TNKS: variants seen among roughly 807,000 people sequenced by gnomAD.
The protein encoded by TNKS is poly [ADP-ribose] polymerase tankyrase-1.
Under a neutral mutation model 135.8 loss-of-function variants are expected in TNKS, and 72 were observed. The observed-to-expected ratio is 0.53, with a 90% CI of 0.44 to 0.64. The LOEUF (loss-of-function observed/expected upper bound fraction) is 0.64, where lower values mean the gene tolerates loss of function less well. Ranked by LOEUF, TNKS falls within the 30% of genes least tolerant of loss-of-function variation. TNKS has a pLI of 0.00. For synonymous variants in TNKS, 849 were observed against 649.3 expected, an observed-to-expected ratio of 1.31 and a Z score of -4.68; for missense variants, 1,769 against 1,674.0, an observed-to-expected ratio of 1.06 and a Z score of -0.99.
At chr8:9,752,767 C>A in intron 20 of TNKS, 141 bp downstream of exon 20, 3 of 514,582 alleles carry the variant, frequency 5.8e-6, no homozygotes, top group Non-Finnish European at 6.6e-6. Flanking sequence ...CCAGCCTGGG[C>A]AACAAAGCGA....
intron 1 of TNKS, among the ~76,000 whole-genome samples, chr8:9,573,540 G>A (rs755455459): frequency 3.4e-4 from 52 of 152,126 alleles, no homozygotes; most frequent in Non-Finnish European, 7.5e-4. Context: ...ATGTAAGGAG[G>A]CAACTTCAGG....
intron 3 of TNKS, among the ~76,000 whole-genome samples, chr8:9,644,897 C>T (rs1800860212): frequency 6.6e-6 from 1 of 152,058 alleles, no homozygotes; most frequent in Admixed American, 6.6e-5. Flanking sequence ...AGATCTTCAG[C>T]AGTTTATTAT....
At chr8:9,719,875 T>A (rs770474091) in intron 11 of TNKS, among the ~76,000 whole-genome samples, 1 of 152,242 alleles carries the variant, frequency 6.6e-6, no homozygotes, top group Non-Finnish European at 1.5e-5. Context: ...TGCTTAAATA[T>A]GCTTGTAATT....
At chr8:9,622,083 T>A (rs1799887758) in intron 3 of TNKS, among the ~76,000 whole-genome samples, 1 of 152,206 alleles carries the variant, frequency 6.6e-6, no homozygotes, top group Non-Finnish European at 1.5e-5. Context: ...TTTAAAGTTT[T>A]ATATTAAACG....
At chr8:9,701,319 A>C (rs1236339064) in intron 5 of TNKS, among the ~76,000 whole-genome samples, 1 of 152,232 alleles carries the variant, frequency 6.6e-6, no homozygotes, top group Non-Finnish European at 1.5e-5. Context: ...AAGAAATAAA[A>C]GTTACTGAAT....
In TNKS at chr8:9,556,259, C is replaced by G. The variant is rs771355040; in HGVS notation, c.320C>G (p.Ala107Gly). 7 of 1,614,254 alleles carry G rather than the reference C, an allele frequency of 4.3e-6. No individual in the cohort carries two copies. The highest frequency in any genetic ancestry group is 1.3e-5 in the African/African-American group (1 of 75,078). Residue 107 changes from alanine to glycine, a missense_variant, in exon 1 of 27, where the codon GCG (alanine) becomes GGG (glycine). Transcript: ENST00000310430. ...GTCGCCGCCGCTCCCGTGGTCCCAG[C>G]GGTTTCTACTTCATCTGCCGCTGGG... is the stretch of plus-strand genomic sequence containing the variant. ...CTVAAAPVVP[A>G]VSTSSAAGVA...
At chr8:9,624,524 C>T (rs1563125254) in intron 3 of TNKS, among the ~76,000 whole-genome samples, 1 of 152,194 alleles carries the variant, frequency 6.6e-6, no homozygotes, top group Admixed American at 6.5e-5. Context: ...TAACACCTTG[C>T]AGAACTGTAG....
At chr8:9,691,584 T>A (rs1246838686) in intron 5 of TNKS, among the ~76,000 whole-genome samples, 1 of 152,200 alleles carries the variant, frequency 6.6e-6, no homozygotes, top group East Asian at 1.9e-4. Flanking sequence ...GACTCCTGAC[T>A]CTGCTTTTAA....
intron 3 of TNKS, chr8:9,658,386 A>T (rs1487507747): frequency 2.3e-6 from 3 of 1,312,852 alleles, no homozygotes; most frequent in Non-Finnish European, 3.0e-6. Context: ...AGACTGAGAC[A>T]GCTCCGCTGC....
chr8:9,661,210 C>T lies in TNKS; in HGVS notation c.995-18741C>T, dbSNP rs555168339. The stretch of plus-strand genomic sequence containing the variant: ...TCCCCATCAAGCTACCAATGACTTT[C>T]TTCACAGAATTGGAAACAACTACTT... On this transcript the variant is annotated intron_variant, in intron 3 of 26. Coordinates refer to ENST00000310430, the MANE Select transcript of TNKS (RefSeq NM_003747.3). 1.8e-3 allele frequency among the ~76,000 whole-genome samples: 275 copies of T among 152,150 alleles called. 2 individuals carry two copies. Among genetic ancestry groups the T allele is most frequent in the Non-Finnish European group, 3.3e-3 (226 of 67,998 alleles).
Position 9,751,839 on chromosome 8 carries a change from A to C in TNKS, c.3063A>C (p.Glu1021Asp). 1 of 1,614,156 alleles carries C rather than the reference A, an allele frequency of 6.2e-7. No homozygotes were observed. Among genetic ancestry groups the C allele is most frequent in the Non-Finnish European group, 8.5e-7 (1 of 1,179,982 alleles). ...GCGCCGCGGGAACAGAAAGGAAGGA[A>C]GGAGAAGGTGAGTAGACCCCATGAA... ...GDGAAGTERK[E>D]GEVAGLDMNI... The change falls in exon 19 of 27, where the codon GAA becomes GAC. Residue 1021 changes from glutamate to aspartate, a missense_variant. Physicochemically the swap from Glu to Asp is conservative, Grantham distance 45 (BLOSUM62 2). Transcript: ENST00000310430.
intron 2 of TNKS, among the ~76,000 whole-genome samples, chr8:9,613,398 T>C (rs2128764502): frequency 6.6e-6 from 1 of 152,336 alleles, no homozygotes; most frequent in East Asian, 1.9e-4. Context: ...TCTTGTAATC[T>C]TGTATGAAAG....
At chr8:9,591,053 C>T (rs1798572646) in intron 2 of TNKS, among the ~76,000 whole-genome samples, 1 of 152,192 alleles carries the variant, frequency 6.6e-6, no homozygotes, top group South Asian at 2.1e-4. Context: ...AGGTCTGATG[C>T]ATTTGGAATT....
intron 1 of TNKS, among the ~76,000 whole-genome samples, chr8:9,572,643 G>A (rs1003050629): frequency 3.3e-5 from 5 of 152,178 alleles, no homozygotes; most frequent in Non-Finnish European, 7.3e-5. Context: ...ACCTGTACGA[G>A]AAAGCGAGTA....
chr8:9,569,078 A>G (rs1326381917), intron 1 of TNKS, among the ~76,000 whole-genome samples: 1 of 151,498 alleles, frequency 6.6e-6, no homozygotes, highest in African/African-American at 2.5e-5. Flanking sequence ...TCAGAAAAGT[A>G]TTTTAGAATT....
intron 3 of TNKS, among the ~76,000 whole-genome samples, chr8:9,674,142 C>T (rs995387290): frequency 7.9e-5 from 12 of 151,976 alleles, no homozygotes; most frequent in African/African-American, 2.9e-4. Flanking sequence ...ACATTAAAAC[C>T]ATCTTAGAAA....
At chr8:9,617,963 A>G (rs1370855280) in intron 3 of TNKS, among the ~76,000 whole-genome samples, 4 of 150,264 alleles carry the variant, frequency 2.7e-5, no homozygotes, top group Admixed American at 6.7e-5. Context: ...GGCAATTAAT[A>G]AAGTGACAAT....
chr8:9,570,937 C>G (rs896709961), intron 1 of TNKS, among the ~76,000 whole-genome samples: 8 of 152,096 alleles, frequency 5.3e-5, no homozygotes, highest in Non-Finnish European at 8.8e-5. Context: ...CCACTGCACT[C>G]CAGCCTGGGC....
intron 5 of TNKS, among the ~76,000 whole-genome samples, chr8:9,690,893 C>G (rs1265379580): frequency 1.3e-5 from 2 of 152,074 alleles, no homozygotes; most frequent in Non-Finnish European, 2.9e-5. Context: ...TGTAATCTAT[C>G]TAGGATTCAT....
Sources: gnomAD v4.1 joint callset for allele counts (sites outside exome capture counted in the v4.1 genomes callset) on GRCh38, gnomAD v4.1.1 for gene constraint, MANE v1.5 for transcripts, NCBI Gene and HGNC (gene_info 2026-07-23, HGNC 2026-07-21) for gene names.